FAM135B: variants seen among roughly 807,000 people sequenced by gnomAD.
The protein encoded by FAM135B is family with sequence similarity 135 member B, also known as protein FAM135B.
Under a neutral mutation model 127.7 loss-of-function variants are expected in FAM135B, and 43 were observed. The observed-to-expected ratio is 0.34, with a 90% CI of 0.26 to 0.43. FAM135B has a LOEUF of 0.43. FAM135B is among the 20% of genes least tolerant of loss of function. FAM135B has a pLI of 1.00. For missense variants in FAM135B, 1,558 were observed against 1,725.6 expected (o/e 0.90, Z 1.72); for synonymous variants, 670 against 665.1 (o/e 1.01, Z -0.11).
intron 1 of FAM135B, among the ~76,000 whole-genome samples, chr8:138,483,197 A>T (rs1304578921): frequency 6.6e-6 from 1 of 152,204 alleles, no homozygotes; most frequent in Non-Finnish European, 1.5e-5. Context: ...TTCTAACCAC[A>T]TTTCTTCTTG....
In FAM135B at chr8:138,201,813, A is replaced by G. The variant is rs535787362; in HGVS notation, c.670-4144T>C. ...GTCCCTGGCCTGGGCCTACCCCACA[A>G]CAGAAGCAGGACAAAAAATAGGCAC... On this transcript the variant is annotated intron_variant, in intron 7 of 19. Transcript: ENST00000395297. Among the ~76,000 whole-genome samples the G allele has an allele frequency of 1.5e-3, 224 of 152,278 alleles. 1 individual carries two copies. The highest frequency in any genetic ancestry group is 2.4e-3 in the Non-Finnish European group (162 of 68,028).
At chr8:138,470,930 G>C (rs1837640981) in intron 1 of FAM135B, among the ~76,000 whole-genome samples, 1 of 152,204 alleles carries the variant, frequency 6.6e-6, no homozygotes, top group Admixed American at 6.5e-5. Context: ...TTTTCTCTCT[G>C]TGCTCCAATG....
intron 10 of FAM135B, among the ~76,000 whole-genome samples, chr8:138,178,273 A>T (rs539133272): frequency 1.3e-5 from 2 of 151,926 alleles, no homozygotes; most frequent in African/African-American, 4.8e-5. Context: ...AAAGAAAAGC[A>T]CTTTTTCCAA....
At chr8:138,483,069 C>A (rs1159908083) in intron 1 of FAM135B, among the ~76,000 whole-genome samples, 1 of 150,828 alleles carries the variant, frequency 6.6e-6, no homozygotes, top group Non-Finnish European at 1.5e-5. Context: ...ATTTCAGGAA[C>A]AATCAATTTA....
chr8:138,391,032 G>C (rs1832538419), intron 1 of FAM135B, among the ~76,000 whole-genome samples: 1 of 152,124 alleles, frequency 6.6e-6, no homozygotes, highest in African/African-American at 2.4e-5. Flanking sequence ...TGAAGAATGG[G>C]AGTATTCAGG....
At chr8:138,303,666 G>A (rs73438104) in intron 3 of FAM135B, among the ~76,000 whole-genome samples, 5,176 of 152,252 alleles carry the variant, frequency 0.034, 184 homozygotes, top group East Asian at 0.15. Context: ...CACAACAAAT[G>A]TGATTTCTAA....
At chr8:138,421,611 C>T (rs540994966) in intron 1 of FAM135B, among the ~76,000 whole-genome samples, 1 of 152,120 alleles carries the variant, frequency 6.6e-6, no homozygotes, top group African/African-American at 2.4e-5. Flanking sequence ...GCAAGAATTA[C>T]AAAAACTGCT....
chr8:138,391,380 C>A (rs770471821), intron 1 of FAM135B, among the ~76,000 whole-genome samples: 1 of 152,112 alleles, frequency 6.6e-6, no homozygotes, highest in Non-Finnish European at 1.5e-5. Context: ...CAGCTCCCTC[C>A]TTTCACCTCC....
chr8:138,377,654 ATTTCAATGAGT>A (rs1396235241), intron 1 of FAM135B, among the ~76,000 whole-genome samples: 1 of 152,192 alleles, frequency 6.6e-6, no homozygotes, highest in African/African-American at 2.4e-5. Flanking sequence ...TAACAATGAA[ATTTCAATGAGT>A]TTTGGCAGAA....
At chr8:138,438,399 GATAAT>G (rs1835579376) in intron 1 of FAM135B, 1 of 152,076 alleles carries the variant, frequency 6.6e-6, no homozygotes. Flanking sequence ...TAGAAAGAGT[GATAAT>G]ATGAGTGTCT....
intron 1 of FAM135B, among the ~76,000 whole-genome samples, chr8:138,370,123 T>C (rs1016457097): frequency 1.3e-5 from 2 of 152,020 alleles, no homozygotes; most frequent in Non-Finnish European, 2.9e-5. Flanking sequence ...AGGCAAAGAG[T>C]GCCTATCCAG....
intron 13 of FAM135B, among the ~76,000 whole-genome samples, chr8:138,150,554 G>A (rs1818040359): frequency 6.6e-6 from 1 of 152,142 alleles, no homozygotes; most frequent in Non-Finnish European, 1.5e-5. Context: ...TGTAGTCCCA[G>A]CTGCTTGGGA....
At chr8:138,390,954 C>T (rs1832534893) in intron 1 of FAM135B, among the ~76,000 whole-genome samples, 1 of 152,164 alleles carries the variant, frequency 6.6e-6, no homozygotes, top group South Asian at 2.1e-4. Flanking sequence ...GCAACAGGTG[C>T]TACCCAGGGA....
At chr8:138,339,535 C>T (rs574787491) in intron 2 of FAM135B, among the ~76,000 whole-genome samples, 11 of 152,126 alleles carry the variant, frequency 7.2e-5, no homozygotes, top group African/African-American at 2.7e-4. Flanking sequence ...TTCTACCATG[C>T]TTTCGTGACA....
At chr8:138,473,349 G>T (rs983934526) in intron 1 of FAM135B, among the ~76,000 whole-genome samples, 1 of 152,078 alleles carries the variant, frequency 6.6e-6, no homozygotes, top group African/African-American at 2.4e-5. Flanking sequence ...AGTCCGTGGT[G>T]CCTACAGAAT....
At chr8:138,463,871 C>T (rs984350834) in intron 1 of FAM135B, among the ~76,000 whole-genome samples, 2 of 152,116 alleles carry the variant, frequency 1.3e-5, no homozygotes, top group Non-Finnish European at 2.9e-5. Context: ...AGTCAAGAAA[C>T]CCTTTGATGG....
At chr8:138,206,268 T>C (rs1297624043) in intron 7 of FAM135B, among the ~76,000 whole-genome samples, 72 of 136,300 alleles carry the variant, frequency 5.3e-4, no homozygotes, top group Non-Finnish European at 9.7e-4. Flanking sequence ...CACAGCTCTA[T>C]CATCCCCTCC....
chr8:138,439,521 G>A (rs1033053071), intron 1 of FAM135B: 1 of 152,128 alleles, frequency 6.6e-6, no homozygotes, highest in Admixed American at 6.5e-5. Context: ...CATTTCCTAG[G>A]GGGAGGGAAC....
chr8:138,450,149 G>T (rs559264666), intron 1 of FAM135B, among the ~76,000 whole-genome samples: 26 of 152,276 alleles, frequency 1.7e-4, no homozygotes, highest in African/African-American at 6.0e-4. Context: ...ATGCATTTAA[G>T]TTTCCTCCAT....
Sources: gnomAD v4.1 joint callset for allele counts (sites outside exome capture counted in the v4.1 genomes callset) on GRCh38, gnomAD v4.1.1 for gene constraint, MANE v1.5 for transcripts, NCBI Gene and HGNC (gene_info 2026-07-23, HGNC 2026-07-21) for gene names.